Variants in SLC24A3 observed in about 807,000 individuals in gnomAD.
SLC24A3 encodes the protein solute carrier family 24 member 3, also known as sodium/potassium/calcium exchanger 3.
In SLC24A3, 28 loss-of-function variants were observed where a neutral mutation model predicts 75.8. The observed-to-expected ratio is 0.37, with a 90% CI of 0.27 to 0.51. The LOEUF is 0.51. Ranked by LOEUF, SLC24A3 falls within the 20% of genes least tolerant of loss-of-function variation. The probability of loss-of-function intolerance (pLI) is 0.94; values close to 1 mark genes in which losing one functional copy is unlikely to be tolerated. For synonymous variants in SLC24A3, 372 were observed against 334.1 expected, an observed-to-expected ratio of 1.11 and a Z score of -1.24; for missense variants, 663 against 847.8, an observed-to-expected ratio of 0.78 and a Z score of 2.71.
At chr20:19,390,785 G>T (rs999256753) in intron 2 of SLC24A3, among the ~76,000 whole-genome samples, 1 of 152,208 alleles carries the variant, frequency 6.6e-6, no homozygotes, top group African/African-American at 2.4e-5. Context: ...GTATTGGCCT[G>T]GTGCCTGAGG....
chr20:19,361,037 C>T (rs1568599519), intron 2 of SLC24A3, among the ~76,000 whole-genome samples: 1 of 152,132 alleles, frequency 6.6e-6, no homozygotes, highest in Non-Finnish European at 1.5e-5. Flanking sequence ...CCGTGTTAGC[C>T]AGGATGGTCT....
chr20:19,478,812 T>C (rs1988003916), intron 2 of SLC24A3, among the ~76,000 whole-genome samples: 1 of 152,206 alleles, frequency 6.6e-6, no homozygotes. Context: ...CCAAGTGCAC[T>C]TTGAGGACAG....
chr20:19,699,143 G>A (rs1355158628), intron 15 of SLC24A3, among the ~76,000 whole-genome samples: 1 of 152,204 alleles, frequency 6.6e-6, no homozygotes, highest in Non-Finnish European at 1.5e-5. Flanking sequence ...CTTCACTCAT[G>A]GACTATGCAG....
chr20:19,506,847 A>T (rs1329515852), intron 2 of SLC24A3, among the ~76,000 whole-genome samples: 1 of 152,148 alleles, frequency 6.6e-6, no homozygotes, highest in Non-Finnish European at 1.5e-5. Flanking sequence ...TGGTGTTTTG[A>T]CACAGTATTG....
chr20:19,599,382 C>T (rs988455718), intron 6 of SLC24A3, among the ~76,000 whole-genome samples: 1 of 152,084 alleles, frequency 6.6e-6, no homozygotes, highest in African/African-American at 2.4e-5. Flanking sequence ...GTGGTCCCTC[C>T]CGCGCACCTG....
intron 10 of SLC24A3, 108 bp downstream of exon 10, chr20:19,682,099 A>G: frequency 7.9e-7 from 1 of 1,265,724 alleles, no homozygotes; most frequent in Non-Finnish European, 1.1e-6. Context: ...CTAAAAATAC[A>G]ACAAAATTAA....
intron 3 of SLC24A3, among the ~76,000 whole-genome samples, chr20:19,517,169 G>A (rs1489201443): frequency 2.0e-5 from 3 of 152,110 alleles, no homozygotes; most frequent in South Asian, 4.1e-4. Context: ...TGGCACCTTC[G>A]GCACCAAGGA....
At chr20:19,463,151 C>T (rs879498191) in intron 2 of SLC24A3, among the ~76,000 whole-genome samples, 5 of 152,204 alleles carry the variant, frequency 3.3e-5, no homozygotes, top group Non-Finnish European at 5.9e-5. Flanking sequence ...AACGGTGTGA[C>T]ATTTACCTGT....
chr20:19,722,271 C>T lies in SLC24A3; in HGVS notation c.*1131C>T, dbSNP rs1003166285. ...CCACTTGGTATTGAGTACACTGGACCCTGACCACTGGCTCTTGGGCAAACG... is the reference window on the plus strand; with the variant it reads ...CCACTTGGTATTGAGTACACTGGACTCTGACCACTGGCTCTTGGGCAAACG... On this transcript the variant is annotated 3_prime_UTR_variant, in exon 17 of 17. Coordinates refer to ENST00000328041, the MANE Select transcript of SLC24A3 (RefSeq NM_020689.4). 3.3e-5 allele frequency: 5 copies of T among 152,688 alleles called. No homozygotes were observed. The highest frequency in any genetic ancestry group is 1.9e-4 in the East Asian group (1 of 5,196). 9.5% of individuals were successfully genotyped at this position (152,688 alleles called of 1,614,324 possible).
chr20:19,388,258 C>G (rs1383124224), intron 2 of SLC24A3, among the ~76,000 whole-genome samples: 1 of 151,758 alleles, frequency 6.6e-6, no homozygotes, highest in Non-Finnish European at 1.5e-5. Context: ...TTAATATTTG[C>G]TTCATATATT....
intron 15 of SLC24A3, among the ~76,000 whole-genome samples, chr20:19,717,119 C>G (rs2033053584): frequency 6.6e-6 from 1 of 152,190 alleles, no homozygotes; most frequent in Non-Finnish European, 1.5e-5. Flanking sequence ...TTCCATTGCC[C>G]ATGTCATGAA....
chr20:19,670,648 A>G (rs1289875215), intron 8 of SLC24A3, among the ~76,000 whole-genome samples: 3 of 152,246 alleles, frequency 2.0e-5, no homozygotes, highest in South Asian at 2.1e-4. Context: ...ATAACGTGAC[A>G]TCCCTTCAGA....
At chr20:19,351,946 G>A (rs912473943) in intron 2 of SLC24A3, among the ~76,000 whole-genome samples, 1 of 152,088 alleles carries the variant, frequency 6.6e-6, no homozygotes, top group Non-Finnish European at 1.5e-5. Flanking sequence ...GGTGTCATAG[G>A]TGGGGCTCCT....
At position 19,505,313 on chromosome 20, in the gene SLC24A3, G is replaced by C. The variant is rs1469019130; in HGVS notation, c.272-10175G>C. Among the ~76,000 whole-genome samples, 3 of 152,184 alleles carry C rather than the reference G, an allele frequency of 2.0e-5. No homozygotes were observed. The South Asian group carries it at 6.2e-4, about 32-fold the overall frequency. On this transcript the variant is annotated intron_variant, in intron 2 of 16. Transcript: ENST00000328041. ...TGAGGTAGTTCCATAATGCTATCTA[G>C]ATTGCAAATCCACCGCAAATTGTCC...
intron 3 of SLC24A3, among the ~76,000 whole-genome samples, chr20:19,564,031 C>T (rs1231680888): frequency 6.6e-6 from 1 of 152,076 alleles, no homozygotes; most frequent in Non-Finnish European, 1.5e-5. Context: ...CTAATATTTA[C>T]AGTAGATACC....
chr20:19,252,532 A>T (rs1410643332), intron 1 of SLC24A3, among the ~76,000 whole-genome samples: 1 of 152,126 alleles, frequency 6.6e-6, no homozygotes, highest in South Asian at 2.1e-4. Context: ...TGTTGCAATC[A>T]GCTAGCTGAC....
At chr20:19,234,459 A>T (rs552225175) in intron 1 of SLC24A3, among the ~76,000 whole-genome samples, 24 of 152,370 alleles carry the variant, frequency 1.6e-4, no homozygotes, top group African/African-American at 5.5e-4. Context: ...ACTGCACTTC[A>T]GATGAAATGC....
intron 2 of SLC24A3, among the ~76,000 whole-genome samples, chr20:19,457,101 A>G (rs1388157472): frequency 6.6e-6 from 1 of 152,238 alleles, no homozygotes; most frequent in Non-Finnish European, 1.5e-5. Context: ...GGACCCAAGA[A>G]AAAAATGAAT....
chr20:19,508,411 T>C (rs2122550077), intron 2 of SLC24A3, among the ~76,000 whole-genome samples: 1 of 152,324 alleles, frequency 6.6e-6, no homozygotes, highest in South Asian at 2.1e-4. Context: ...GGAGCCAGGC[T>C]TTTTAGGATG....
Sources: allele counts gnomAD v4.1 joint callset (sites outside exome capture counted in the v4.1 genomes callset), GRCh38; gene constraint gnomAD v4.1.1; transcripts MANE v1.5; gene names NCBI Gene and HGNC (gene_info 2026-07-23, HGNC 2026-07-21).